NEDD4L: variants seen among roughly 807,000 people sequenced by gnomAD.
NEDD4L encodes E3 ubiquitin-protein ligase NEDD4-like.
Under a neutral mutation model 148.9 loss-of-function variants are expected in NEDD4L, and 54 were observed. The ratio of observed to expected loss-of-function variants is 0.36; its 90% CI spans 0.29 to 0.45. NEDD4L has a LOEUF of 0.45. NEDD4L is among the 20% of genes least tolerant of loss of function. The probability of loss-of-function intolerance (pLI) is 1.00; values close to 1 mark genes in which losing one functional copy is unlikely to be tolerated. For synonymous variants in NEDD4L, 433 were observed against 440.7 expected (o/e 0.98, Z 0.22); for missense variants, 856 against 1,233.8 (o/e 0.69, Z 4.59).
intron 19 of NEDD4L, among the ~76,000 whole-genome samples, chr18:58,360,504 G>C (rs907966520): frequency 2.6e-4 from 39 of 151,880 alleles, no homozygotes; most frequent in Admixed American, 2.4e-3. Context: ...AAATTTAATT[G>C]CTCAAAGTTT....
At chr18:58,289,799 T>C (rs985663895) in intron 5 of NEDD4L, among the ~76,000 whole-genome samples, 6 of 152,254 alleles carry the variant, frequency 3.9e-5, no homozygotes, top group African/African-American at 1.4e-4. Context: ...ATAAAATCCC[T>C]TGAAATCTAT....
chr18:58,361,623 G>A (rs183936456), intron 19 of NEDD4L, among the ~76,000 whole-genome samples: 13 of 152,132 alleles, frequency 8.5e-5, no homozygotes, highest in South Asian at 2.1e-4. Context: ...TGATGTCCCC[G>A]TGCCGGGCAT....
intron 5 of NEDD4L, among the ~76,000 whole-genome samples, chr18:58,297,925 C>A (rs1271351935): frequency 6.6e-6 from 1 of 152,156 alleles, no homozygotes; most frequent in Non-Finnish European, 1.5e-5. Flanking sequence ...ACAAGTGCAC[C>A]TTTCTGTGTT....
At chr18:58,355,849 A>G (rs1042324476) in intron 18 of NEDD4L, among the ~76,000 whole-genome samples, 4 of 151,606 alleles carry the variant, frequency 2.6e-5, no homozygotes, top group East Asian at 1.9e-4. Context: ...TAAAATAATA[A>G]TAAGACTTTT....
rs1316048834 is a variant in NEDD4L, at chr18:58,256,159, C to A, written c.297+4105C>A. Reference sequence around the variant, plus strand: ...AGGTCAACGGCACGTGCGGCCGCCGCGTGCGGTGCTCCGGCCCCGTGGACT... The same window carrying A: ...AGGTCAACGGCACGTGCGGCCGCCGAGTGCGGTGCTCCGGCCCCGTGGACT... On this transcript the variant is annotated intron_variant, in intron 5 of 30. Coordinates refer to ENST00000400345, the MANE Select transcript of NEDD4L (RefSeq NM_001144967.3). The surrounding 1 kb of genome is among the most constrained non-coding windows in gnomAD (Gnocchi z 5.2). 1.6e-6 allele frequency: 2 copies of A among 1,219,474 alleles called. No homozygotes were observed. Among genetic ancestry groups the A allele is most frequent in the African/African-American group, 3.1e-5 (2 of 63,810 alleles). The allele number at this position is 1,219,474 out of a possible 1,614,324, so 75.5% of individuals were successfully genotyped here.
intron 17 of NEDD4L, among the ~76,000 whole-genome samples, chr18:58,350,184 G>T (rs1248132136): frequency 6.6e-6 from 1 of 152,194 alleles, no homozygotes; most frequent in African/African-American, 2.4e-5. Context: ...GCCGTAGGGG[G>T]TGACAGGGCA....
At chr18:58,160,395 G>A (rs2036051644) in intron 1 of NEDD4L, among the ~76,000 whole-genome samples, 1 of 152,210 alleles carries the variant, frequency 6.6e-6, no homozygotes, top group Non-Finnish European at 1.5e-5. Flanking sequence ...AAAAACATAT[G>A]TAAAGCTTAT....
At chr18:58,329,553 C>A (rs932200371) in intron 10 of NEDD4L, among the ~76,000 whole-genome samples, 10 of 151,962 alleles carry the variant, frequency 6.6e-5, no homozygotes, top group African/African-American at 2.4e-4. Flanking sequence ...AATGGGGTTT[C>A]ACCATGTTGG....
At chr18:58,150,295 C>T (rs1465713245) in intron 1 of NEDD4L, among the ~76,000 whole-genome samples, 4 of 152,330 alleles carry the variant, frequency 2.6e-5, no homozygotes, top group East Asian at 3.9e-4. Context: ...AGTGCAATGG[C>T]ATAATCTCGG....
At chr18:58,343,444 T>C (rs2042680387) in intron 16 of NEDD4L, among the ~76,000 whole-genome samples, 1 of 152,252 alleles carries the variant, frequency 6.6e-6, no homozygotes, top group South Asian at 2.1e-4. Flanking sequence ...CTAGGAGTTA[T>C]AATCATTTTC....
rs147587129 is a variant in NEDD4L, at chr18:58,383,415, G to A, written c.2426+96G>A. On this transcript the variant is annotated intron_variant, in intron 25 of 30. Transcript: ENST00000400345. ...GAAACAGCTCATGCATTTATTATGG[G>A]CATGAGTTTATTGGTCAGTTTTCAA... 1.1e-4 allele frequency: 82 copies of A among 720,986 alleles called. No individual in the cohort carries two copies. The African/African-American group carries it at 1.2e-3, about 11-fold the overall frequency. The allele number at this position is 720,986 out of a possible 1,614,324, so 44.7% of individuals were successfully genotyped here. A position where few individuals can be genotyped will look rare whatever the true frequency, so the allele number is the denominator to read the frequency against.
chr18:58,337,365 G>A (rs559758766), intron 13 of NEDD4L, among the ~76,000 whole-genome samples: 55 of 152,014 alleles, frequency 3.6e-4, no homozygotes, highest in Non-Finnish European at 7.5e-4. Flanking sequence ...ATCCTTTGTC[G>A]TGAATGCCCT....
chr18:58,105,063 A>G (rs2084986234), intron 1 of NEDD4L, among the ~76,000 whole-genome samples: 2 of 152,176 alleles, frequency 1.3e-5, no homozygotes, highest in African/African-American at 4.8e-5. Context: ...GTCAGCAGGT[A>G]TTAGGGACCA....
At chr18:58,230,429 T>TTG (rs1046731430) in intron 2 of NEDD4L, among the ~76,000 whole-genome samples, 1 of 151,976 alleles carries the variant, frequency 6.6e-6, no homozygotes, top group African/African-American at 2.4e-5. Context: ...TTTTTTTTTT[T>TTG]TAATCATTTT....
In NEDD4L at chr18:58,248,788, T is replaced by C; in HGVS notation, c.205-111T>C. ...TCAAATAATCGACTAAATGCTTCTC[T>C]TAGCTTTTTTTAATCAAAAAAATGT... On this transcript the variant is annotated intron_variant, in intron 3 of 30. Transcript: ENST00000400345. 7 of 628,042 alleles carry C rather than the reference T, an allele frequency of 1.1e-5. No homozygotes were observed. The South Asian group carries it at 1.3e-4, about 11-fold the overall frequency. 38.9% of individuals were successfully genotyped at this position (628,042 alleles called of 1,614,324 possible). A position where few individuals can be genotyped will look rare whatever the true frequency, so the allele number is the denominator to read the frequency against.
At chr18:58,371,278 C>G (rs937751939) in intron 23 of NEDD4L, among the ~76,000 whole-genome samples, 4 of 141,256 alleles carry the variant, frequency 2.8e-5, no homozygotes, top group Non-Finnish European at 6.0e-5. Flanking sequence ...TGGTCTCGAT[C>G]TCCTGACCTC....
rs2038814665 is a variant in NEDD4L, at chr18:58,181,083, T to C, written c.122+15222T>C. ...AGCAGGTATTTAAGCCATTCTCGAA[T>C]AGTGACACTTATGCAGAGGAGAGAA... On this transcript the variant is annotated intron_variant, in intron 2 of 30. Coordinates refer to ENST00000400345, the MANE Select transcript of NEDD4L (RefSeq NM_001144967.3). 3.3e-5 allele frequency among the ~76,000 whole-genome samples: 5 copies of C among 152,254 alleles called. No homozygotes were observed. The South Asian group carries it at 1.0e-3, about 31-fold the overall frequency.
intron 9 of NEDD4L, among the ~76,000 whole-genome samples, chr18:58,327,884 C>T (rs373557756): frequency 6.6e-6 from 1 of 151,954 alleles, no homozygotes; most frequent in Non-Finnish European, 1.5e-5. Flanking sequence ...ACACTAAAAG[C>T]CTCTGACTAG....
chr18:58,318,858 C>T (rs976150269), intron 6 of NEDD4L, among the ~76,000 whole-genome samples: 10 of 152,182 alleles, frequency 6.6e-5, no homozygotes, highest in Non-Finnish European at 1.3e-4. Context: ...AAAATCTCTT[C>T]GTCCCTGGGA....
Sources: gnomAD v4.1 joint callset for allele counts (sites outside exome capture counted in the v4.1 genomes callset) on GRCh38, gnomAD v4.1.1 for gene constraint, Gnocchi (gnomAD v3.1) non-coding constraint, MANE v1.5 for transcripts, NCBI Gene and HGNC (gene_info 2026-07-23, HGNC 2026-07-21) for gene names.